The following RALGAPA2 variants were observed in gnomAD, a reference collection of about 807,000 sequenced individuals.
RALGAPA2 encodes Ral GTPase activating protein catalytic subunit alpha 2.
RALGAPA2 carries 139 observed loss-of-function variants against 230.4 expected under a neutral mutation model. The observed-to-expected ratio is 0.60, with a 90% CI of 0.53 to 0.69. The LOEUF (loss-of-function observed/expected upper bound fraction) is 0.69. Ranked by LOEUF, RALGAPA2 falls within the 30% of genes least tolerant of loss-of-function variation. RALGAPA2 has a pLI of 0.00. For synonymous variants in RALGAPA2, 847 were observed against 837.8 expected (o/e 1.01, Z -0.19); for missense variants, 2,163 against 2,276.0 (o/e 0.95, Z 1.01).
chr20:20,474,531 G>T (rs2061608715), intron 36 of RALGAPA2, among the ~76,000 whole-genome samples: 1 of 152,202 alleles, frequency 6.6e-6, no homozygotes. Context: ...TAAAGCAAGA[G>T]ATGGTGGTAA....
At chr20:20,604,582 C>A (rs2065760058) in intron 15 of RALGAPA2, among the ~76,000 whole-genome samples, 1 of 152,196 alleles carries the variant, frequency 6.6e-6, no homozygotes, top group African/African-American at 2.4e-5. Context: ...GCAACCTTGT[C>A]CAACCCGTGA....
chr20:20,597,976 A>G (rs1260009206), intron 16 of RALGAPA2, among the ~76,000 whole-genome samples: 1 of 152,216 alleles, frequency 6.6e-6, no homozygotes, highest in East Asian at 1.9e-4. Context: ...AAAAATAAAT[A>G]GACATAGGCC....
At chr20:20,421,445 C>A (rs969186580) in intron 37 of RALGAPA2, among the ~76,000 whole-genome samples, 2 of 152,046 alleles carry the variant, frequency 1.3e-5, no homozygotes, top group African/African-American at 4.8e-5. Context: ...CTGAGGTGGG[C>A]GGATCACCTG....
chr20:20,516,021 C>T (rs187581943), intron 31 of RALGAPA2, among the ~76,000 whole-genome samples: 9 of 152,160 alleles, frequency 5.9e-5, no homozygotes, highest in African/African-American at 2.2e-4. Flanking sequence ...GGAGTGAGAC[C>T]GGCCTTGCCA....
intron 9 of RALGAPA2, among the ~76,000 whole-genome samples, chr20:20,632,932 T>C (rs2066726514): frequency 6.6e-6 from 1 of 152,198 alleles, no homozygotes. Context: ...CCTTCTGTAG[T>C]CTTTAGACAT....
At chr20:20,489,550 G>A (rs140050541) in intron 36 of RALGAPA2, among the ~76,000 whole-genome samples, 2 of 150,416 alleles carry the variant, frequency 1.3e-5, no homozygotes, top group East Asian at 1.9e-4. Flanking sequence ...AGGTGGAGTT[G>A]TAATGAAAGT....
chr20:20,591,529 C>T (rs1307575926), intron 16 of RALGAPA2, among the ~76,000 whole-genome samples: 2 of 152,158 alleles, frequency 1.3e-5, no homozygotes, highest in Admixed American at 6.5e-5. Flanking sequence ...TTCTATAAAG[C>T]CTTTTATTTT....
At chr20:20,419,557 G>T (rs1370574287) in intron 37 of RALGAPA2, among the ~76,000 whole-genome samples, 1 of 152,084 alleles carries the variant, frequency 6.6e-6, no homozygotes, top group Admixed American at 6.5e-5. Flanking sequence ...CTGACAGAAG[G>T]GATTCAAAAA....
Position 20,503,342 on chromosome 20 carries a change from AC to A in RALGAPA2, c.5208+8del. 6.5e-7 allele frequency: 1 copy of A among 1,549,932 alleles called. No individual in the cohort carries two copies. Among genetic ancestry groups the A allele is most frequent in the East Asian group, 2.3e-5 (1 of 42,816 alleles). Reference sequence around the variant, plus strand: ...GCAGCTAAGAATGGTGCCCGAGGAGACCCCTTACCTTTTTGGTGAGGGAATC... The same window carrying A: ...GCAGCTAAGAATGGTGCCCGAGGAGACCCTTACCTTTTTGGTGAGGGAATC... On this transcript the variant is annotated splice_region_variant and intron_variant, in intron 35 of 39. Transcript: ENST00000202677.
chr20:20,395,655 A>G (rs2059698773), intron 39 of RALGAPA2, among the ~76,000 whole-genome samples: 1 of 152,106 alleles, frequency 6.6e-6, no homozygotes, highest in Admixed American at 6.5e-5. Context: ...TTGGGACAAT[A>G]TCAGGACTGG....
intron 36 of RALGAPA2, among the ~76,000 whole-genome samples, chr20:20,474,218 C>T (rs1282490872): frequency 2.0e-5 from 3 of 152,142 alleles, no homozygotes; most frequent in Non-Finnish European, 2.9e-5. Context: ...AACGGAAGAA[C>T]ATTCCAGGCA....
chr20:20,652,400 A>G (rs991149755), intron 4 of RALGAPA2, among the ~76,000 whole-genome samples: 1 of 152,140 alleles, frequency 6.6e-6, no homozygotes, highest in African/African-American at 2.4e-5. Flanking sequence ...TTTTGTTATC[A>G]TCATACTTCT....
intron 7 of RALGAPA2, among the ~76,000 whole-genome samples, chr20:20,637,941 T>C (rs1056550708): frequency 5.4e-4 from 82 of 152,192 alleles, no homozygotes; most frequent in African/African-American, 2.0e-3. Flanking sequence ...TCAACCAATG[T>C]TACCTACATG....
chr20:20,660,534 T>A (rs188001629), intron 3 of RALGAPA2, among the ~76,000 whole-genome samples: 4 of 151,750 alleles, frequency 2.6e-5, no homozygotes, highest in African/African-American at 9.7e-5. Flanking sequence ...TTTTTTTTTT[T>A]ATTTAAGTAG....
chr20:20,591,345 C>T, intron 16 of RALGAPA2, 31 bp from the exon 17 acceptor site: 1 of 1,595,980 alleles, frequency 6.3e-7, no homozygotes. Flanking sequence ...TGCAAAGTTA[C>T]AGTTCAAGTT....
intron 8 of RALGAPA2, among the ~76,000 whole-genome samples, chr20:20,635,876 C>A (rs2066841624): frequency 6.6e-6 from 1 of 152,136 alleles, no homozygotes; most frequent in African/African-American, 2.4e-5. Context: ...ACTAAGCTAA[C>A]AACTATTTTT....
At chr20:20,643,820 C>T (rs906327767) in intron 4 of RALGAPA2, among the ~76,000 whole-genome samples, 2 of 151,836 alleles carry the variant, frequency 1.3e-5, no homozygotes, top group Non-Finnish European at 2.9e-5. Flanking sequence ...GCGCATATAT[C>T]TCTTGTCATG....
chr20:20,607,044 T>C lies in RALGAPA2; in HGVS notation c.1801-1632A>G, dbSNP rs6046957. On this transcript the variant is annotated intron_variant, in intron 14 of 39. Coordinates refer to ENST00000202677, the MANE Select transcript of RALGAPA2 (RefSeq NM_020343.4). ...GCCTGGTGTCAAAGAGAAATGCACT[T>C]GTTAAGATACCAGCTTGCATGTGCA... Among the ~76,000 whole-genome samples the C allele has an allele frequency of 3.5e-3, 526 of 152,324 alleles. 5 individuals carry two copies. Among genetic ancestry groups the C allele is most frequent in the African/African-American group, 0.012 (496 of 41,572 alleles).
At chr20:20,522,529 T>C (rs867387439) in intron 30 of RALGAPA2, among the ~76,000 whole-genome samples, 1 of 152,200 alleles carries the variant, frequency 6.6e-6, no homozygotes, top group South Asian at 2.1e-4. Flanking sequence ...TTACACAGGA[T>C]AGCGGCTATC....
Sources: allele counts gnomAD v4.1 joint callset (sites outside exome capture counted in the v4.1 genomes callset), GRCh38; gene constraint gnomAD v4.1.1; transcripts MANE v1.5; gene names NCBI Gene and HGNC (gene_info 2026-07-23, HGNC 2026-07-21).